Variants in TNRC6A observed in about 807,000 individuals in gnomAD.
TNRC6A encodes trinucleotide repeat-containing gene 6A protein.
In TNRC6A, 44 loss-of-function variants were observed where a neutral mutation model predicts 221.2. The ratio of observed to expected loss-of-function variants is 0.20; its 90% confidence interval spans 0.16 to 0.26. The LOEUF is 0.26. Ranked by LOEUF, TNRC6A falls within the 10% of genes least tolerant of loss-of-function variation. The pLI, the probability that TNRC6A is intolerant of heterozygous loss-of-function variation, is 1.00. For missense variants in TNRC6A, 2,199 were observed against 2,404.4 expected (o/e 0.91, Z 1.79); for synonymous variants, 847 against 838.5 (o/e 1.01, Z -0.18).
chr16:24,797,570 G>A lies in TNRC6A; in HGVS notation c.3642G>A (p.Ser1214=), dbSNP rs145429184. 166 of 1,607,342 alleles carry A rather than the reference G, an allele frequency of 1.0e-4. 1 individual carries two copies. The Middle Eastern group carries it at 1.8e-3, about 18-fold the overall frequency. Residue 1214 remains serine, a splice_region_variant and synonymous_variant, in exon 10 of 25, where the codon TCG becomes TCA. Transcript: ENST00000395799. ...AACAGTTTTCAAACATCAGTTTTTC[G>A]GTAAGTATGTTTTCTTAGCAGCTCC... The part of the protein sequence containing the change: ...FVKQFSNISF[S]RDSPEENVQS...
At chr16:24,674,173 T>C (rs1451618315) in intron 2 of TNRC6A, among the ~76,000 whole-genome samples, 1 of 152,082 alleles carries the variant, frequency 6.6e-6, no homozygotes, top group Non-Finnish European at 1.5e-5. Context: ...TCAGCTCAAG[T>C]GATCCTCCAC....
chr16:24,750,578 G>A, intron 2 of TNRC6A, 148 bp from the exon 3 acceptor site: 1 of 965,518 alleles, frequency 1.0e-6, no homozygotes, highest in Non-Finnish European at 1.4e-6. Context: ...GGGTTAGGTT[G>A]CAGGTTGTGT....
intron 5 of TNRC6A, among the ~76,000 whole-genome samples, chr16:24,781,242 A>G (rs2057839419): frequency 6.6e-6 from 1 of 151,632 alleles, no homozygotes; most frequent in Non-Finnish European, 1.5e-5. Context: ...TGTGTTTTGT[A>G]GAGATGGGGT....
At chr16:24,821,329 G>A (rs1003524352) in intron 22 of TNRC6A, among the ~76,000 whole-genome samples, 4 of 152,202 alleles carry the variant, frequency 2.6e-5, no homozygotes, top group Admixed American at 6.5e-5. Context: ...GCTTGGTGCA[G>A]TTGAGTGGAA....
chr16:24,735,525 C>A (rs1008382378), intron 2 of TNRC6A, among the ~76,000 whole-genome samples: 2 of 152,080 alleles, frequency 1.3e-5, no homozygotes. Context: ...TGTACCAACC[C>A]AATATGCTTT....
chr16:24,785,549 G>A (rs2047397589), intron 5 of TNRC6A, among the ~76,000 whole-genome samples: 3 of 151,944 alleles, frequency 2.0e-5, no homozygotes, highest in Admixed American at 6.6e-5. Context: ...TTTTCATGTT[G>A]ATCTTTTTTG....
At chr16:24,804,446 T>G (rs1368623648) in intron 12 of TNRC6A, 127 bp downstream of exon 12, 1 of 1,238,766 alleles carries the variant, frequency 8.1e-7, no homozygotes, top group Non-Finnish European at 1.1e-6. Context: ...ATCTTATTAC[T>G]GGATTTTGAA....
intron 3 of TNRC6A, among the ~76,000 whole-genome samples, chr16:24,752,551 C>T (rs932110633): frequency 1.3e-5 from 2 of 152,102 alleles, no homozygotes; most frequent in African/African-American, 4.8e-5. Context: ...TGTCTTGGGC[C>T]TCTGTCAGAG....
chr16:24,668,367 AAG>A (rs1186177881), intron 2 of TNRC6A, among the ~76,000 whole-genome samples: 3 of 151,546 alleles, frequency 2.0e-5, no homozygotes, highest in African/African-American at 7.3e-5. Context: ...AAAAGAAAAA[AAG>A]AAAAGAAAAG....
intron 5 of TNRC6A, chr16:24,778,579 C>A: frequency 2.4e-6 from 2 of 817,442 alleles, no homozygotes; most frequent in Non-Finnish European, 3.0e-6. Flanking sequence ...CCTGTGTGAG[C>A]TTGGCCATAA....
chr16:24,780,969 G>A (rs1215367682), intron 5 of TNRC6A, among the ~76,000 whole-genome samples: 1 of 146,558 alleles, frequency 6.8e-6, no homozygotes. Context: ...CTTGCAACTT[G>A]CACCTTCCCC....
chr16:24,807,628 C>G (rs894364424), intron 17 of TNRC6A, among the ~76,000 whole-genome samples: 14 of 151,966 alleles, frequency 9.2e-5, no homozygotes, highest in African/African-American at 2.9e-4. Context: ...CTTATACATG[C>G]AACTCCCCAC....
chr16:24,783,481 A>G (rs2057898260), intron 5 of TNRC6A, among the ~76,000 whole-genome samples: 1 of 150,888 alleles, frequency 6.6e-6, no homozygotes. Context: ...TTCAGCCCCC[A>G]CATAACCTCT....
rs1240096428 is a variant in TNRC6A, at chr16:24,778,466, A to G, written c.589+1108A>G. The G allele has an allele frequency of 3.0e-6, 3 of 985,448 alleles. No homozygotes were observed. In the South Asian group the frequency reaches 1.4e-4, roughly 46 times the overall value. The allele number at this position is 985,448 out of a possible 1,614,324, so 61.0% of individuals were successfully genotyped here. A position where few individuals can be genotyped will look rare whatever the true frequency, so the allele number is the denominator to read the frequency against. ...GATTGGTAATGAGGAAGAGGACACA[A>G]ATGTGAGTTTTCTAGCATAGGCACA... On this transcript the variant is annotated intron_variant, in intron 5 of 24. Coordinates refer to ENST00000395799, the MANE Select transcript of TNRC6A (RefSeq NM_014494.4).
At chr16:24,704,810 A>G (rs903565142) in intron 2 of TNRC6A, among the ~76,000 whole-genome samples, 2 of 152,032 alleles carry the variant, frequency 1.3e-5, no homozygotes, top group African/African-American at 2.4e-5. Context: ...TACTTTCACA[A>G]GTAAATAAAT....
At chr16:24,760,707 T>C (rs1255862537) in intron 4 of TNRC6A, among the ~76,000 whole-genome samples, 1 of 151,968 alleles carries the variant, frequency 6.6e-6, no homozygotes, top group East Asian at 1.9e-4. Flanking sequence ...TGTGGCCTAC[T>C]TGGTGGTGGT....
intron 5 of TNRC6A, among the ~76,000 whole-genome samples, chr16:24,786,663 C>G (rs1185041681): frequency 6.6e-6 from 1 of 150,990 alleles, no homozygotes; most frequent in East Asian, 2.0e-4. Context: ...GAGATTGGTA[C>G]TAATACTGTT....
At chr16:24,795,760 T>C in intron 8 of TNRC6A, 147 bp from the exon 9 acceptor site, 1 of 632,634 alleles carries the variant, frequency 1.6e-6, no homozygotes, top group Non-Finnish European at 2.7e-6. Flanking sequence ...CACTGATGAA[T>C]TTGAGACTGG....
chr16:24,619,209 C>A (rs1244390294), intron 1 of TNRC6A, among the ~76,000 whole-genome samples: 1 of 152,098 alleles, frequency 6.6e-6, no homozygotes, highest in Non-Finnish European at 1.5e-5. Context: ...TAGACAATAT[C>A]CCCAGCATCG....
Sources: gnomAD v4.1 joint callset for allele counts (sites outside exome capture counted in the v4.1 genomes callset) on GRCh38, gnomAD v4.1.1 for gene constraint, MANE v1.5 for transcripts, NCBI Gene and HGNC (gene_info 2026-07-23, HGNC 2026-07-21) for gene names.